KIF26B: variants seen among roughly 807,000 people sequenced by gnomAD.
The protein encoded by KIF26B is kinesin family member 26B.
A neutral mutation model predicts 151.2 loss-of-function variants in KIF26B; 63 were observed. The ratio of observed to expected loss-of-function variants is 0.42; its 90% CI spans 0.34 to 0.51. The LOEUF is 0.51. KIF26B is among the 20% of genes least tolerant of loss of function. The probability of loss-of-function intolerance (pLI) is 0.07; values close to 1 mark genes in which losing one functional copy is unlikely to be tolerated. For synonymous variants in KIF26B, 1,357 were observed against 1,262.1 expected (o/e 1.08, Z -1.59); for missense variants, 2,813 against 2,913.6 (o/e 0.97, Z 0.79).
chr1:245,439,482 G>T (rs1036555098), intron 4 of KIF26B, among the ~76,000 whole-genome samples: 1 of 152,192 alleles, frequency 6.6e-6, no homozygotes, highest in Non-Finnish European at 1.5e-5. Context: ...CCTCTGGAAG[G>T]AAAAGTGTTA....
At chr1:245,693,508 T>A (rs147625420) in intron 12 of KIF26B, among the ~76,000 whole-genome samples, 394 of 152,370 alleles carry the variant, frequency 2.6e-3, no homozygotes, top group African/African-American at 9.0e-3. Context: ...TATCTTTTCC[T>A]GCTGGTGCTA....
chr1:245,576,707 T>A (rs1276334240), intron 5 of KIF26B, among the ~76,000 whole-genome samples: 1 of 152,166 alleles, frequency 6.6e-6, no homozygotes, highest in Admixed American at 6.5e-5. Context: ...TTATTGCAGC[T>A]CCTGTAAAAA....
chr1:245,271,760 T>G (rs1670860124), intron 2 of KIF26B, among the ~76,000 whole-genome samples: 1 of 152,174 alleles, frequency 6.6e-6, no homozygotes, highest in African/African-American at 2.4e-5. Context: ...CAGTTTTGTA[T>G]TTTGTTGAAA....
intron 10 of KIF26B, among the ~76,000 whole-genome samples, chr1:245,674,537 C>T (rs2044333572): frequency 6.6e-6 from 1 of 152,144 alleles, no homozygotes; most frequent in Admixed American, 6.5e-5. Context: ...TAAGTTTTGG[C>T]AGTCTATTGA....
intron 10 of KIF26B, among the ~76,000 whole-genome samples, chr1:245,664,848 T>C (rs12064226): frequency 0.047 from 7,093 of 152,258 alleles, 504 homozygotes; most frequent in African/African-American, 0.15. Context: ...TCAGGGCGTT[T>C]TTCTCCTTCA....
At chr1:245,544,848 T>C (rs1025954322) in intron 5 of KIF26B, among the ~76,000 whole-genome samples, 130 of 152,024 alleles carry the variant, frequency 8.6e-4, no homozygotes, top group African/African-American at 3.0e-3. Context: ...AAGGGAGGCG[T>C]GCTATCCCAT....
At chr1:245,370,516 G>A in intron 3 of KIF26B, 2 of 441,296 alleles carry the variant, frequency 4.5e-6, no homozygotes, top group South Asian at 3.2e-5. Flanking sequence ...TTCAACACAT[G>A]CCTGGCTTGT....
In KIF26B at chr1:245,540,905, G is replaced by A. The variant is rs1661604152; in HGVS notation, c.1305G>A (p.Leu435=). The part of the protein sequence containing the change: ...QTSPPPAPPC[L]LRAVNKVKDT... ...CCCCTCCCCCAGCCCCACCCTGCCT[G>A]CTGAGGGCTGTCAACAAGGTGAAGG... The change falls in exon 5 of 15, where the codon CTG becomes CTA. Residue 435 remains leucine, a synonymous_variant. Transcript: ENST00000407071. This position sits in a 1 kb window ranked among gnomAD's most constrained non-coding sequence, Gnocchi z 4.6. 1 of 1,613,934 alleles carries A rather than the reference G, an allele frequency of 6.2e-7. No homozygotes were observed. The highest frequency in any genetic ancestry group is 1.1e-5 in the South Asian group (1 of 91,074).
At chr1:245,478,831 T>C (rs1660101498) in intron 4 of KIF26B, among the ~76,000 whole-genome samples, 1 of 151,042 alleles carries the variant, frequency 6.6e-6, no homozygotes, top group African/African-American at 2.4e-5. Flanking sequence ...TGGGTGAGAG[T>C]GGTGATGGAT....
intron 5 of KIF26B, among the ~76,000 whole-genome samples, chr1:245,548,744 A>AATTT (rs1186893231): frequency 7.4e-5 from 8 of 108,570 alleles, no homozygotes; most frequent in African/African-American, 2.6e-4. Flanking sequence ...CCATTTTGCA[A>AATTT]CTTTTTTTTT....
chr1:245,171,270 A>G (rs1000453099), intron 2 of KIF26B, among the ~76,000 whole-genome samples: 5 of 152,186 alleles, frequency 3.3e-5, no homozygotes, highest in Admixed American at 6.5e-5. Flanking sequence ...TGGGGCCCGC[A>G]CGGTGGCTCA....
chr1:245,555,466 G>A (rs79374212), intron 5 of KIF26B, among the ~76,000 whole-genome samples: 2,522 of 152,250 alleles, frequency 0.017, 86 homozygotes, highest in African/African-American at 0.057. Context: ...AGACTGGACA[G>A]ACTCCTGTCC....
intron 2 of KIF26B, among the ~76,000 whole-genome samples, chr1:245,345,082 T>C (rs919064578): frequency 1.3e-5 from 2 of 152,204 alleles, no homozygotes; most frequent in African/African-American, 4.8e-5. Flanking sequence ...AATTTTCTTC[T>C]CTTGCATTCT....
At chr1:245,682,357 T>C (rs568999647) in intron 10 of KIF26B, among the ~76,000 whole-genome samples, 1 of 152,352 alleles carries the variant, frequency 6.6e-6, no homozygotes, top group Non-Finnish European at 1.5e-5. Context: ...AATTCAGTGT[T>C]CACAAATATT....
chr1:245,341,718 T>C (rs1672337749), intron 2 of KIF26B, among the ~76,000 whole-genome samples: 1 of 152,202 alleles, frequency 6.6e-6, no homozygotes, highest in Non-Finnish European at 1.5e-5. Flanking sequence ...CACAGGAGAC[T>C]ATGTTCTCCA....
chr1:245,172,805 A>G (rs954846384), intron 2 of KIF26B, among the ~76,000 whole-genome samples: 2 of 152,202 alleles, frequency 1.3e-5, no homozygotes, highest in Non-Finnish European at 2.9e-5. Flanking sequence ...GCGAGACTCC[A>G]TCTCAAAAAA....
rs1093936 is a variant in KIF26B, at chr1:245,458,599, C to T, written c.1166+38854C>T. Among the ~76,000 whole-genome samples the T allele has an allele frequency of 2.9e-3, 448 of 152,210 alleles. 3 individuals carry two copies. Among genetic ancestry groups the T allele is most frequent in the African/African-American group, 0.01 (435 of 41,518 alleles). On this transcript the variant is annotated intron_variant, in intron 4 of 14. Coordinates refer to ENST00000407071, the MANE Select transcript of KIF26B (RefSeq NM_018012.4). ...TTAATTTCTTTTAGCCTAGAGTAGA[C>T]GCTCATAATAGAAAGGTCAAATAAA... is the stretch of plus-strand genomic sequence containing the variant.
Position 245,155,092 on chromosome 1 carries a change from G to T in KIF26B, c.-333G>T, listed in dbSNP as rs532598014. 1.7e-4 allele frequency: 83 copies of T among 491,002 alleles called. No individual in the cohort carries two copies. In the South Asian group the frequency reaches 2.3e-3, roughly 14 times the overall value. 30.4% of individuals were successfully genotyped at this position (491,002 alleles called of 1,614,324 possible). A position where few individuals can be genotyped will look rare whatever the true frequency, so the allele number is the denominator to read the frequency against. On this transcript the variant is annotated 5_prime_UTR_variant, in exon 1 of 15. Transcript: ENST00000407071. ...CCTGATTGTATCCCTCGCTTTCCTCGTGGGGGAGCACGGACTGACTTGGCT... is the reference window on the plus strand; with the variant it reads ...CCTGATTGTATCCCTCGCTTTCCTCTTGGGGGAGCACGGACTGACTTGGCT...
At chr1:245,305,513 C>G (rs763328511) in intron 2 of KIF26B, among the ~76,000 whole-genome samples, 1 of 152,190 alleles carries the variant, frequency 6.6e-6, no homozygotes, top group African/African-American at 2.4e-5. Flanking sequence ...CATTAGCTAT[C>G]AGGGAAACAC....
Sources: allele counts gnomAD v4.1 joint callset (sites outside exome capture counted in the v4.1 genomes callset), GRCh38; gene constraint gnomAD v4.1.1; non-coding constraint Gnocchi (gnomAD v3.1); transcripts MANE v1.5; gene names NCBI Gene and HGNC (gene_info 2026-07-23, HGNC 2026-07-21).